IMPA1: variants seen among roughly 807,000 people sequenced by gnomAD.
IMPA1 encodes inositol monophosphatase 1, also known as D-galactose 1-phosphate phosphatase.
In IMPA1, 21 loss-of-function variants were observed where a neutral mutation model predicts 34.9. The ratio of observed to expected loss-of-function variants is 0.60; its 90% CI spans 0.43 to 0.87. The LOEUF is 0.87. Ranked by LOEUF, IMPA1 falls within the 40% of genes least tolerant of loss-of-function variation. The pLI is 0.00. For synonymous variants in IMPA1, 95 were observed against 104.4 expected (o/e 0.91, Z 0.55); for missense variants, 299 against 336.4 (o/e 0.89, Z 0.87).
intron 4 of IMPA1, among the ~76,000 whole-genome samples, chr8:81,678,892 G>A (rs115832386): frequency 1.3e-3 from 198 of 152,182 alleles, no homozygotes; most frequent in African/African-American, 4.7e-3. Context: ...GGTGAACGGG[G>A]CACTTGGCAC....
At chr8:81,674,627 T>C (rs1247881299) in intron 5 of IMPA1, 1 of 347,064 alleles carries the variant, frequency 2.9e-6, no homozygotes, top group Non-Finnish European at 5.7e-6. Flanking sequence ...CCTCACCTAC[T>C]AATTCGTTTC....
At chr8:81,661,132 C>A (rs1806662728) in intron 7 of IMPA1, among the ~76,000 whole-genome samples, 1 of 152,172 alleles carries the variant, frequency 6.6e-6, no homozygotes, top group East Asian at 1.9e-4. Context: ...GCATGCCAGG[C>A]TCTGCAAAGA....
intron 7 of IMPA1, among the ~76,000 whole-genome samples, chr8:81,670,548 A>G (rs1259917121): frequency 6.6e-6 from 1 of 152,224 alleles, no homozygotes; most frequent in Non-Finnish European, 1.5e-5. Context: ...GAAATTAATT[A>G]TAAGAGTCTA....
At chr8:81,666,056 G>C (rs1389911929) in intron 7 of IMPA1, among the ~76,000 whole-genome samples, 2 of 152,126 alleles carry the variant, frequency 1.3e-5, no homozygotes, top group Non-Finnish European at 2.9e-5. Context: ...CAAAAAGCGG[G>C]GTCATGGGTT....
At chr8:81,672,598 C>T (rs2130286775) in intron 6 of IMPA1, among the ~76,000 whole-genome samples, 1 of 152,310 alleles carries the variant, frequency 6.6e-6, no homozygotes, top group Non-Finnish European at 1.5e-5. Flanking sequence ...TCTTTAAAAA[C>T]CTGAGCCTCT....
intron 3 of IMPA1, among the ~76,000 whole-genome samples, chr8:81,679,649 C>T (rs1201358275): frequency 1.3e-5 from 2 of 151,800 alleles, no homozygotes; most frequent in African/African-American, 4.8e-5. Flanking sequence ...AGTCTGTACC[C>T]TACACTTTTC....
At chr8:81,670,087 T>C (rs1806944313) in intron 7 of IMPA1, among the ~76,000 whole-genome samples, 1 of 152,166 alleles carries the variant, frequency 6.6e-6, no homozygotes, top group African/African-American at 2.4e-5. Context: ...CTGAAAGAAA[T>C]AAATTCCTTT....
At chr8:81,664,051 C>G (rs1806751932) in intron 7 of IMPA1, among the ~76,000 whole-genome samples, 1 of 151,938 alleles carries the variant, frequency 6.6e-6, no homozygotes, top group African/African-American at 2.4e-5. Context: ...AAAATAAATA[C>G]ATAAAAAATA....
At chr8:81,673,372 C>G (rs779848101) in intron 6 of IMPA1, among the ~76,000 whole-genome samples, 5 of 152,120 alleles carry the variant, frequency 3.3e-5, no homozygotes, top group Admixed American at 6.5e-5. Flanking sequence ...ACCTGAACAC[C>G]GCCCCCTTCC....
At chr8:81,668,393 T>C (rs1241265041) in intron 7 of IMPA1, among the ~76,000 whole-genome samples, 1 of 152,116 alleles carries the variant, frequency 6.6e-6, no homozygotes, top group Non-Finnish European at 1.5e-5. Flanking sequence ...GAGATCAGCC[T>C]GGGCTGCACG....
chr8:81,676,886 C>T lies in IMPA1; in HGVS notation c.303-607G>A, dbSNP rs138130065. Among the ~76,000 whole-genome samples, 339 of 152,064 alleles carry T rather than the reference C, an allele frequency of 2.2e-3. 1 individual carries two copies. The highest frequency in any genetic ancestry group is 7.9e-3 in the African/African-American group (328 of 41,476). On this transcript the variant is annotated intron_variant, in intron 4 of 8. Coordinates refer to ENST00000256108, the MANE Select transcript of IMPA1 (RefSeq NM_005536.4). ...TGCACGCCTATAGTCCAAGCTTCCCCGGTAGGCTGAGGCAGAAGGATCCCT... is the reference window on the plus strand; with the variant it reads ...TGCACGCCTATAGTCCAAGCTTCCCTGGTAGGCTGAGGCAGAAGGATCCCT...
In IMPA1 at chr8:81,657,583, AAAAACAAAAAC is replaced by A. The variant is rs1360942167; in HGVS notation, c.*1757_*1767del. ...GCAGAAGAGCAAGACACTGTCTTCAAAAAACAAAAACAAAACAAAGCCTCTAAAAGTAGTTT... is the reference window on the plus strand; with the variant it reads ...GCAGAAGAGCAAGACACTGTCTTCAAAAAACAAAGCCTCTAAAAGTAGTTT... On this transcript the variant is annotated 3_prime_UTR_variant, in exon 9 of 9. Transcript: ENST00000256108. Among the ~76,000 whole-genome samples the A allele has an allele frequency of 6.6e-6, 1 of 152,130 alleles. No individual in the cohort carries two copies. The highest frequency in any genetic ancestry group is 1.5e-5 in the Non-Finnish European group (1 of 68,028).
intron 1 of IMPA1, among the ~76,000 whole-genome samples, chr8:81,682,948 C>A (rs540492708): frequency 1.3e-5 from 2 of 152,244 alleles, no homozygotes; most frequent in East Asian, 1.9e-4. Context: ...CAATATCAAT[C>A]AAAAACTAAA....
At chr8:81,678,664 C>T in intron 4 of IMPA1, 1 of 187,664 alleles carries the variant, frequency 5.3e-6, no homozygotes, top group Non-Finnish European at 1.1e-5. Context: ...TGCATCTCAG[C>T]CTGGCCAACA....
rs1009012304 is a variant in IMPA1, at chr8:81,660,604, T to G, written c.630A>C (p.Ala210=). 6.2e-7 allele frequency: 1 copy of G among 1,613,406 alleles called. No individual in the cohort carries two copies. Among genetic ancestry groups the G allele is most frequent in the East Asian group, 2.2e-5 (1 of 44,880 alleles). Residue 210 remains alanine (A), a synonymous_variant, in exon 8 of 9, where the codon GCA becomes GCC. Transcript: ENST00000256108. ...MCLVATGGAD[A]YYEMGIHCWD... The stretch of plus-strand genomic sequence containing the variant: ...AGCAGTGAATTCCCATTTCATAATA[T>G]GCATCTGCTCCGCCAGTTGCCACAA...
chr8:81,685,818 G>T, intron 1 of IMPA1: 3 of 1,548,876 alleles, frequency 1.9e-6, no homozygotes, highest in Non-Finnish European at 2.6e-6. Context: ...TTCTGTCCTG[G>T]TCACAGCCTT....
At chr8:81,676,181 C>A in intron 5 of IMPA1, 53 bp downstream of exon 5, 1 of 763,248 alleles carries the variant, frequency 1.3e-6, no homozygotes, top group Admixed American at 3.2e-5. Flanking sequence ...TTTACTTTTT[C>A]TCAGAAAATG....
At chr8:81,676,162 G>A in intron 5 of IMPA1, 72 bp downstream of exon 5, 5 of 608,470 alleles carry the variant, frequency 8.2e-6, no homozygotes, top group Non-Finnish European at 1.3e-5. Context: ...AATTTATTAT[G>A]AAAACACATT....
chr8:81,682,239 G>A (rs1248524955), intron 1 of IMPA1, among the ~76,000 whole-genome samples: 1 of 152,038 alleles, frequency 6.6e-6, no homozygotes, highest in African/African-American at 2.4e-5. Flanking sequence ...GTTCTAAACT[G>A]TCCAGTTTTC....
Sources: gnomAD v4.1 joint callset for allele counts (sites outside exome capture counted in the v4.1 genomes callset) on GRCh38, gnomAD v4.1.1 for gene constraint, MANE v1.5 for transcripts, NCBI Gene and HGNC (gene_info 2026-07-23, HGNC 2026-07-21) for gene names.